Variants in LANCL2 observed in about 807,000 individuals in gnomAD.
LANCL2 encodes the protein lanC-like protein 2.
Under a neutral mutation model 56.9 loss-of-function variants are expected in LANCL2, and 33 were observed. The ratio of observed to expected loss-of-function variants is 0.58; its 90% CI spans 0.44 to 0.78. The LOEUF is 0.78. LANCL2 is among the 30% of genes least tolerant of loss of function. The probability of loss-of-function intolerance (pLI) is 0.00; values close to 1 mark genes in which losing one functional copy is unlikely to be tolerated. For missense variants in LANCL2, 562 were observed against 580.2 expected, an observed-to-expected ratio of 0.97 and a Z score of 0.32; for synonymous variants, 233 against 228.2, an observed-to-expected ratio of 1.02 and a Z score of -0.19.
chr7:55,366,007 G>C lies in LANCL2; in HGVS notation c.-19G>C. On this transcript the variant is annotated 5_prime_UTR_variant, in exon 1 of 9. Coordinates refer to ENST00000254770, the MANE Select transcript of LANCL2 (RefSeq NM_018697.4). ...GGACAGGAGGTTTGTCCCCGCCCGC[G>C]CGCCGTACCGCGGCGGAGATGGGCG... is the stretch of plus-strand genomic sequence containing the variant. 7.0e-7 allele frequency: 1 copy of C among 1,421,864 alleles called. No individual in the cohort carries two copies. 88.1% of individuals were successfully genotyped at this position (1,421,864 alleles called of 1,614,324 possible).
chr7:55,416,974 T>TCTTTTTG, intron 6 of LANCL2, among the ~76,000 whole-genome samples: 1 of 69,964 alleles, frequency 1.4e-5, no homozygotes. Context: ...AGGTGGTTTT[T>TCTTTTTG]TTTTTTTTTT....
At chr7:55,429,660 G>T (rs1279191640) in intron 8 of LANCL2, among the ~76,000 whole-genome samples, 1 of 152,212 alleles carries the variant, frequency 6.6e-6, no homozygotes, top group Non-Finnish European at 1.5e-5. Flanking sequence ...TAGAATAAAA[G>T]TTGTAGTCCT....
chr7:55,376,031 G>A (rs763670566), intron 1 of LANCL2, among the ~76,000 whole-genome samples: 1 of 152,074 alleles, frequency 6.6e-6, no homozygotes, highest in Non-Finnish European at 1.5e-5. Context: ...GGATTAGATG[G>A]GCCCCGCTTG....
At chr7:55,408,875 G>T (rs6975233) in intron 5 of LANCL2, among the ~76,000 whole-genome samples, 2 of 148,648 alleles carry the variant, frequency 1.3e-5, no homozygotes, top group South Asian at 2.2e-4. Context: ...CCAGCTACTC[G>T]GGAGGCTGAG....
chr7:55,365,998 C>A lies in LANCL2; in HGVS notation c.-28C>A. On this transcript the variant is annotated 5_prime_UTR_variant, in exon 1 of 9. Transcript: ENST00000254770. The stretch of plus-strand genomic sequence containing the variant: ...GCAGCGCCGGGACAGGAGGTTTGTC[C>A]CCGCCCGCGCGCCGTACCGCGGCGG... The A allele has an allele frequency of 7.1e-7, 1 of 1,412,322 alleles. No homozygotes were observed. Among genetic ancestry groups the A allele is most frequent in the South Asian group, 1.5e-5 (1 of 66,570 alleles). 87.5% of individuals were successfully genotyped at this position (1,412,322 alleles called of 1,614,324 possible). A position where few individuals can be genotyped will look rare whatever the true frequency, so the allele number is the denominator to read the frequency against.
At chr7:55,405,316 C>T (rs1243201004) in intron 5 of LANCL2, among the ~76,000 whole-genome samples, 1 of 152,142 alleles carries the variant, frequency 6.6e-6, no homozygotes, top group Admixed American at 6.6e-5. Flanking sequence ...ATGAGGTGCA[C>T]CCACTTTGGG....
rs532941386 is a variant in LANCL2 at position 55,399,978 on chromosome 7, G to C, written c.552G>C (p.Ser184=). 1 of 1,612,558 alleles carries C rather than the reference G, an allele frequency of 6.2e-7. No individual in the cohort carries two copies. The highest frequency in any genetic ancestry group is 1.1e-5 in the South Asian group (1 of 90,850). ...TTAGACTTTTGCAGCTCCAGAGATCGGTTGTCTGCCAAGAATCAGACCTTC... is the reference window on the plus strand; with the variant it reads ...TTAGACTTTTGCAGCTCCAGAGATCCGTTGTCTGCCAAGAATCAGACCTTC... ...CVTKLLQLQR[S]VVCQESDLPD... is the part of the protein sequence containing the mutation. The change falls in exon 4 of 9, where the codon TCG becomes TCC. Residue 184 remains serine (S), a synonymous_variant. Coordinates refer to ENST00000254770, the MANE Select transcript of LANCL2 (RefSeq NM_018697.4).
intron 1 of LANCL2, among the ~76,000 whole-genome samples, chr7:55,382,071 T>C (rs1000552870): frequency 1.4e-4 from 22 of 152,194 alleles, no homozygotes; most frequent in African/African-American, 5.3e-4. Flanking sequence ...AAATTCATCC[T>C]TATGTCAAAA....
At chr7:55,425,686 T>A in intron 7 of LANCL2, among the ~76,000 whole-genome samples, 1 of 152,230 alleles carries the variant, frequency 6.6e-6, no homozygotes, top group East Asian at 1.9e-4. Flanking sequence ...AATTACCACC[T>A]GTGCCATTTA....
In LANCL2 at chr7:55,366,248, C is replaced by T; in HGVS notation, c.204+19C>T. 1 of 1,466,370 alleles carries T rather than the reference C, an allele frequency of 6.8e-7. No individual in the cohort carries two copies. Among genetic ancestry groups the T allele is most frequent in the Non-Finnish European group, 9.1e-7 (1 of 1,099,930 alleles). 90.8% of individuals were successfully genotyped at this position (1,466,370 alleles called of 1,614,324 possible). On this transcript the variant is annotated intron_variant, in intron 1 of 8. Coordinates refer to ENST00000254770, the MANE Select transcript of LANCL2 (RefSeq NM_018697.4). Reference sequence around the variant, plus strand: ...CGGGAAGGTGAGTCGGCGGCCTGGCCGCAGAGGCGCCGGAGGGGGAGCGCG... The same window carrying T: ...CGGGAAGGTGAGTCGGCGGCCTGGCTGCAGAGGCGCCGGAGGGGGAGCGCG...
chr7:55,424,842 C>A (rs1790645740), intron 6 of LANCL2, among the ~76,000 whole-genome samples: 1 of 152,214 alleles, frequency 6.6e-6, no homozygotes, highest in Non-Finnish European at 1.5e-5. Flanking sequence ...CCTGTCAGAT[C>A]AGCGGCCACA....
intron 1 of LANCL2, among the ~76,000 whole-genome samples, chr7:55,366,627 A>G (rs761528274): frequency 5.3e-5 from 8 of 152,124 alleles, no homozygotes; most frequent in Non-Finnish European, 7.4e-5. Flanking sequence ...CCTTGGCCAT[A>G]TCTGGTCCCT....
intron 2 of LANCL2, among the ~76,000 whole-genome samples, chr7:55,392,935 C>T (rs953685411): frequency 4.6e-5 from 7 of 152,070 alleles, no homozygotes; most frequent in Non-Finnish European, 7.4e-5. Flanking sequence ...AAACTAACTA[C>T]CCTACTGCCT....
At chr7:55,412,809 CAAT>C (rs1358383979) in intron 6 of LANCL2, among the ~76,000 whole-genome samples, 1 of 152,140 alleles carries the variant, frequency 6.6e-6, no homozygotes, top group African/African-American at 2.4e-5. Flanking sequence ...AGCTGTAACA[CAAT>C]GATTGCTCTG....
intron 1 of LANCL2, among the ~76,000 whole-genome samples, chr7:55,374,070 G>C (rs974931117): frequency 3.3e-5 from 5 of 152,140 alleles, no homozygotes; most frequent in African/African-American, 1.2e-4. Flanking sequence ...AAGATAATTT[G>C]ACCACAAAAT....
intron 5 of LANCL2, among the ~76,000 whole-genome samples, chr7:55,406,551 G>A (rs1003700165): frequency 1.3e-5 from 2 of 152,168 alleles, no homozygotes; most frequent in South Asian, 2.1e-4. Context: ...TAGCTTCAAG[G>A]TTGCCTCAGG....
chr7:55,411,587 T>C (rs967646125), intron 5 of LANCL2, among the ~76,000 whole-genome samples: 8 of 152,184 alleles, frequency 5.3e-5, no homozygotes, highest in Non-Finnish European at 8.8e-5. Flanking sequence ...AATCAAGTAT[T>C]GGTATTTTAA....
At chr7:55,366,370 G>T (rs1164750805) in intron 1 of LANCL2, 141 bp downstream of exon 1, 2 of 685,978 alleles carry the variant, frequency 2.9e-6, no homozygotes, top group Middle Eastern at 4.3e-4. Flanking sequence ...CTGTCTCCGG[G>T]CCTTCCCGAT....
intron 5 of LANCL2, among the ~76,000 whole-genome samples, chr7:55,406,598 G>A (rs1323694921): frequency 1.3e-5 from 2 of 152,156 alleles, no homozygotes; most frequent in Non-Finnish European, 2.9e-5. Context: ...CAGTGAGTTG[G>A]GGGCTTAGAA....
Sources: allele counts gnomAD v4.1 joint callset (sites outside exome capture counted in the v4.1 genomes callset), GRCh38; gene constraint gnomAD v4.1.1; transcripts MANE v1.5; gene names NCBI Gene and HGNC (gene_info 2026-07-23, HGNC 2026-07-21).